The following MSRA variants were observed in gnomAD, a reference collection of about 807,000 sequenced individuals.
The protein encoded by MSRA is methionine sulfoxide reductase A.
Under a neutral mutation model 31.3 loss-of-function variants are expected in MSRA, and 54 were observed. That is an observed-to-expected ratio of 1.73 (90% CI 1.39 to 2.17). The LOEUF is 2.17. Among genes scored for constraint, MSRA ranks in the 30% most tolerant of loss-of-function variants. MSRA has a pLI of 0.00. For synonymous variants in MSRA, 169 were observed against 116.5 expected (o/e 1.45, Z -2.90); for missense variants, 507 against 300.9 (o/e 1.69, Z -5.07).
chr8:10,200,555 C>G (rs553596602), intron 1 of MSRA, among the ~76,000 whole-genome samples: 2 of 152,244 alleles, frequency 1.3e-5, no homozygotes, highest in East Asian at 1.9e-4. Context: ...GCTTGCCTTC[C>G]AGGTCAGGGA....
intron 5 of MSRA, among the ~76,000 whole-genome samples, chr8:10,407,079 G>C (rs1367568724): frequency 1.4e-5 from 2 of 141,944 alleles, no homozygotes; most frequent in African/African-American, 5.9e-5. Context: ...GGTTCACTGT[G>C]TTACCCAGGC....
intron 5 of MSRA, among the ~76,000 whole-genome samples, chr8:10,403,608 A>G (rs1425289961): frequency 6.6e-6 from 1 of 152,232 alleles, no homozygotes; most frequent in African/African-American, 2.4e-5. Flanking sequence ...GCATTCCCCA[A>G]CAGTCTCCAG....
intron 4 of MSRA, among the ~76,000 whole-genome samples, chr8:10,306,005 A>T (rs1801119889): frequency 6.6e-6 from 1 of 152,214 alleles, no homozygotes; most frequent in South Asian, 2.1e-4. Flanking sequence ...AATAGGTTCT[A>T]TTCTGGCCTT....
chr8:10,297,218 CA>C (rs1800593089), intron 3 of MSRA, among the ~76,000 whole-genome samples: 1 of 152,116 alleles, frequency 6.6e-6, no homozygotes, highest in Admixed American at 6.5e-5. Context: ...TCGTCTAATC[CA>C]AGGAATGGCT....
chr8:10,386,937 A>G (rs923707904), intron 5 of MSRA, among the ~76,000 whole-genome samples: 9 of 151,098 alleles, frequency 6.0e-5, no homozygotes, highest in African/African-American at 2.2e-4. Flanking sequence ...AAGGCATGGG[A>G]TCGGCTGAAC....
At chr8:10,148,996 G>A (rs933467429) in intron 1 of MSRA, among the ~76,000 whole-genome samples, 18 of 148,554 alleles carry the variant, frequency 1.2e-4, no homozygotes, top group South Asian at 2.1e-4. Context: ...TCACTCTGTC[G>A]CCCAGGCTGG....
intron 3 of MSRA, among the ~76,000 whole-genome samples, chr8:10,255,259 C>A (rs1319792380): frequency 6.6e-6 from 1 of 152,188 alleles, no homozygotes; most frequent in Non-Finnish European, 1.5e-5. Flanking sequence ...TTTGCATGCT[C>A]ATGGAAACTC....
At chr8:10,132,074 GAT>G (rs1464993732) in intron 1 of MSRA, among the ~76,000 whole-genome samples, 1 of 152,146 alleles carries the variant, frequency 6.6e-6, no homozygotes, top group African/African-American at 2.4e-5. Context: ...TCACAGTTCA[GAT>G]AGAGTGAAAT....
chr8:10,395,448 G>A (rs1392845321), intron 5 of MSRA, among the ~76,000 whole-genome samples: 1 of 152,152 alleles, frequency 6.6e-6, no homozygotes, highest in East Asian at 1.9e-4. Context: ...GCCAAAATAT[G>A]GAAGAAACAT....
intron 1 of MSRA, among the ~76,000 whole-genome samples, chr8:10,142,248 G>A (rs534737123): frequency 2.6e-5 from 4 of 152,060 alleles, no homozygotes; most frequent in South Asian, 2.1e-4. Context: ...ATGAGCCACC[G>A]TGCCTGGCCC....
rs991694396 is a variant in MSRA at position 10,056,139 on chromosome 8, G to C, written c.142+1481G>C. On this transcript the variant is annotated intron_variant, in intron 1 of 5. Coordinates refer to ENST00000317173, the MANE Select transcript of MSRA (RefSeq NM_012331.5). ...ACTTTTCAAATGCCAGACTTCCTCA[G>C]CTTGTGCTATACTTCCCGTTCACAC... Among the ~76,000 whole-genome samples, 7 of 138,772 alleles carry C rather than the reference G, an allele frequency of 5.0e-5. No individual in the cohort carries two copies. The East Asian group carries it at 1.5e-3, about 30-fold the overall frequency. 91.0% of individuals were successfully genotyped at this position (138,772 alleles called of 152,430 possible).
intron 5 of MSRA, among the ~76,000 whole-genome samples, chr8:10,418,676 A>G (rs954859317): frequency 9.9e-5 from 15 of 152,072 alleles, no homozygotes; most frequent in East Asian, 5.8e-4. Context: ...ACTTTTTTCT[A>G]AAAAGTGTCT....
chr8:10,109,652 T>C (rs1800138821), intron 1 of MSRA, among the ~76,000 whole-genome samples: 1 of 152,222 alleles, frequency 6.6e-6, no homozygotes, highest in Non-Finnish European at 1.5e-5. Context: ...TTTTTTCTTA[T>C]GATGTATTTT....
At chr8:10,300,155 C>T (rs540462606) in intron 3 of MSRA, among the ~76,000 whole-genome samples, 43 of 146,238 alleles carry the variant, frequency 2.9e-4, no homozygotes, top group Non-Finnish European at 3.8e-4. Flanking sequence ...TGTGTGCACG[C>T]GTGCATGCAC....
chr8:10,391,575 G>T (rs1434783621), intron 5 of MSRA, among the ~76,000 whole-genome samples: 4 of 152,214 alleles, frequency 2.6e-5, no homozygotes, highest in Admixed American at 6.5e-5. Context: ...ACTTGCCAGA[G>T]GTCACATAAA....
chr8:10,389,984 C>T (rs1423422086), intron 5 of MSRA, among the ~76,000 whole-genome samples: 1 of 152,150 alleles, frequency 6.6e-6, no homozygotes, highest in Non-Finnish European at 1.5e-5. Context: ...TCACAGAGCC[C>T]TGCCTTCTGC....
chr8:10,133,304 CTT>C (rs1802033103), intron 1 of MSRA, among the ~76,000 whole-genome samples: 1 of 152,164 alleles, frequency 6.6e-6, no homozygotes, highest in Non-Finnish European at 1.5e-5. Flanking sequence ...CACTCTGAGA[CTT>C]ATATTATTAA....
At chr8:10,428,015 C>A in intron 5 of MSRA, 133 bp from the exon 6 acceptor site, 1 of 882,882 alleles carries the variant, frequency 1.1e-6, no homozygotes, top group South Asian at 1.9e-5. Flanking sequence ...GCGGAGAGCC[C>A]GGCCTAAAGG....
chr8:10,204,516 A>G (rs1808775111), intron 1 of MSRA, among the ~76,000 whole-genome samples: 1 of 152,224 alleles, frequency 6.6e-6, no homozygotes, highest in African/African-American at 2.4e-5. Flanking sequence ...ACAGTTGACT[A>G]CAGTATTCAG....
Sources: gnomAD v4.1 joint callset for allele counts (sites outside exome capture counted in the v4.1 genomes callset) on GRCh38, gnomAD v4.1.1 for gene constraint, MANE v1.5 for transcripts, NCBI Gene and HGNC (gene_info 2026-07-23, HGNC 2026-07-21) for gene names.